Variants in COL4A4 observed in about 807,000 individuals in gnomAD.
COL4A4 encodes collagen type IV alpha 4 chain.
COL4A4 carries 105 observed loss-of-function variants against 192.9 expected under a neutral mutation model. The ratio of observed to expected loss-of-function variants is 0.54; its 90% confidence interval spans 0.46 to 0.64. COL4A4 has a LOEUF of 0.64. Among genes scored for constraint, COL4A4 ranks in the 30% least tolerant of loss-of-function variants. The pLI is 0.00. For synonymous variants in COL4A4, 762 were observed against 769.9 expected, an observed-to-expected ratio of 0.99 and a Z score of 0.17; for missense variants, 1,967 against 2,169.3, an observed-to-expected ratio of 0.91 and a Z score of 1.85.
intron 22 of COL4A4, among the ~76,000 whole-genome samples, chr2:227,084,370 A>G (rs1425661396): frequency 1.3e-5 from 2 of 152,206 alleles, no homozygotes; most frequent in African/African-American, 2.4e-5. Flanking sequence ...AGACTTTGGT[A>G]CCTTGGAAGA....
intron 1 of COL4A4, among the ~76,000 whole-genome samples, chr2:227,156,515 T>C (rs963940507): frequency 6.6e-6 from 1 of 151,374 alleles, no homozygotes; most frequent in Non-Finnish European, 1.5e-5. Flanking sequence ...GAATAAGCTA[T>C]GACAGTACCT....
chr2:226,972,544 G>A, the COL4A4 span, among the ~76,000 whole-genome samples: 1 of 152,186 alleles, frequency 6.6e-6, no homozygotes, highest in Non-Finnish European at 1.5e-5. Context: ...TGGCACCAGG[G>A]CAGACGTGGG....
intron 29 of COL4A4, among the ~76,000 whole-genome samples, chr2:227,056,439 T>C (rs950302420): frequency 3.3e-5 from 5 of 152,178 alleles, no homozygotes; most frequent in Admixed American, 2.6e-4. Context: ...AAGAAAACTT[T>C]CCAGGTTTTT....
chr2:227,015,352 C>T (rs1292139701), intron 44 of COL4A4, among the ~76,000 whole-genome samples: 2 of 152,176 alleles, frequency 1.3e-5, no homozygotes, highest in East Asian at 1.9e-4. Context: ...GCAGCAGCAG[C>T]GGCAGCACCT....
chr2:227,022,558 C>G, intron 43 of COL4A4: 1 of 539,796 alleles, frequency 1.9e-6, no homozygotes, highest in South Asian at 1.4e-5. Flanking sequence ...GCAAGAGGGA[C>G]TGGTGGGTTC....
At chr2:227,065,350 A>C (rs1322919852) in intron 25 of COL4A4, among the ~76,000 whole-genome samples, 5 of 152,214 alleles carry the variant, frequency 3.3e-5, no homozygotes, top group African/African-American at 1.2e-4. Context: ...AAAGCAGCCC[A>C]GAAGCTCAAA....
At chr2:227,070,825 T>C (rs1422149206) in intron 25 of COL4A4, among the ~76,000 whole-genome samples, 1 of 151,750 alleles carries the variant, frequency 6.6e-6, no homozygotes, top group African/African-American at 2.4e-5. Context: ...TGTATACATA[T>C]GTAACTAACC....
chr2:227,103,146 T>C lies in COL4A4; in HGVS notation c.868A>G (p.Lys290Glu). The C allele has an allele frequency of 3.1e-6, 5 of 1,610,176 alleles. No individual in the cohort carries two copies. Among genetic ancestry groups the C allele is most frequent in the Non-Finnish European group, 4.2e-6 (5 of 1,178,462 alleles). ...MVGLPGPPGR[K>E]GESGIGAKGE... ...AAAAAGGTACTTAAATAAACTACCT[T>C]GCGTCCTGGTGGTCCTGGCAGTCCA... Residue 290 changes from lysine (K) to glutamate (E), a missense_variant and splice_region_variant, in exon 14 of 48, where the codon AAG becomes GAG. Lys to Glu is a moderately conservative substitution (Grantham distance 56). Coordinates refer to ENST00000396625, the MANE Select transcript of COL4A4 (RefSeq NM_000092.5).
intron 22 of COL4A4, among the ~76,000 whole-genome samples, chr2:227,086,443 C>G (rs749329181): frequency 4.6e-5 from 7 of 151,796 alleles, no homozygotes; most frequent in Non-Finnish European, 8.8e-5. Flanking sequence ...CTTTTCTTCT[C>G]TCTCTTCCCC....
At chr2:227,159,048 G>A (rs1015007777) in intron 1 of COL4A4, among the ~76,000 whole-genome samples, 3 of 152,124 alleles carry the variant, frequency 2.0e-5, no homozygotes, top group Non-Finnish European at 4.4e-5. Context: ...GCCCCAAACT[G>A]GAAACAATCC....
At chr2:227,075,543 G>A (rs1416486757) in intron 25 of COL4A4, among the ~76,000 whole-genome samples, 1 of 152,128 alleles carries the variant, frequency 6.6e-6, no homozygotes, top group Non-Finnish European at 1.5e-5. Flanking sequence ...TACTGAATTT[G>A]CAAAAGCTGG....
At chr2:227,148,945 G>A (rs142215333) in intron 1 of COL4A4, among the ~76,000 whole-genome samples, 3,416 of 151,638 alleles carry the variant, frequency 0.023, 118 homozygotes, top group African/African-American at 0.077. Flanking sequence ...GGGTTCAAGC[G>A]ATTCTTCTGC....
At chr2:227,116,940 A>C (rs192366292) in intron 7 of COL4A4, among the ~76,000 whole-genome samples, 1 of 152,278 alleles carries the variant, frequency 6.6e-6, no homozygotes, top group African/African-American at 2.4e-5. Flanking sequence ...ACTACTCTTG[A>C]TAAGTTTTTA....
At chr2:227,077,059 A>T (rs2059062254) in intron 25 of COL4A4, among the ~76,000 whole-genome samples, 1 of 152,216 alleles carries the variant, frequency 6.6e-6, no homozygotes, top group Non-Finnish European at 1.5e-5. Flanking sequence ...AATTAGTTCA[A>T]CCATGATGGA....
At chr2:227,085,279 TG>T (rs2059540007) in intron 22 of COL4A4, among the ~76,000 whole-genome samples, 1 of 151,932 alleles carries the variant, frequency 6.6e-6, no homozygotes, top group African/African-American at 2.4e-5. Context: ...TGGGTAGGCA[TG>T]GGGGGAATCA....
chr2:226,981,507 C>T, the COL4A4 span, among the ~76,000 whole-genome samples: 1 of 151,752 alleles, frequency 6.6e-6, no homozygotes, highest in Non-Finnish European at 1.5e-5. Flanking sequence ...CACACACAAG[C>T]ACACACTCAT....
At chr2:227,041,853 A>AGAAG (rs1971347698) in intron 37 of COL4A4, among the ~76,000 whole-genome samples, 1 of 81,332 alleles carries the variant, frequency 1.2e-5, no homozygotes, top group Non-Finnish European at 2.6e-5. Context: ...AGAAAGAGAA[A>AGAAG]GAAAGAAAGA....
intron 19 of COL4A4, among the ~76,000 whole-genome samples, chr2:227,098,131 A>T (rs1011060896): frequency 2.6e-5 from 4 of 152,166 alleles, no homozygotes; most frequent in Non-Finnish European, 2.9e-5. Flanking sequence ...AGACTTTTTT[A>T]AAGTAATTAT....
chr2:227,092,941 G>C lies in COL4A4; in HGVS notation c.1369+1184C>G, dbSNP rs536381649. On this transcript the variant is annotated intron_variant, in intron 20 of 47. Transcript: ENST00000396625. ...TACAAGTACATTGAATGTCAGTATA[G>C]AGGCAAATAACAAAATATCCAGCCA... 2.6e-5 allele frequency among the ~76,000 whole-genome samples: 4 copies of C among 152,292 alleles called. No individual in the cohort carries two copies. The East Asian group carries it at 7.7e-4, about 29-fold the overall frequency.
Sources: gnomAD v4.1 joint callset for allele counts (sites outside exome capture counted in the v4.1 genomes callset) on GRCh38, gnomAD v4.1.1 for gene constraint, MANE v1.5 for transcripts, NCBI Gene and HGNC (gene_info 2026-07-23, HGNC 2026-07-21) for gene names.